The following AFF2 variants were observed in gnomAD, a reference collection of about 807,000 sequenced individuals.
AFF2 encodes the protein AF4/FMR2 family member 2.
Under a neutral mutation model 76.9 loss-of-function variants are expected in AFF2, and 14 were observed. That is an observed-to-expected ratio of 0.18 (90% CI 0.12 to 0.28). AFF2 has a LOEUF of 0.28. AFF2 is among the 10% of genes least tolerant of loss of function. AFF2 has a pLI of 1.00. For missense variants in AFF2, 868 were observed against 1,001.1 expected (o/e 0.87, Z 1.79); for synonymous variants, 398 against 366.7 (o/e 1.09, Z -0.98).
At chrX:148,805,440 C>G (rs2124636637) in intron 3 of AFF2, among the ~76,000 whole-genome samples, 1 of 111,012 alleles carries the variant, frequency 9.0e-6, no homozygotes, top group South Asian at 3.9e-4. Flanking sequence ...TCTGGATTAA[C>G]CATGTGTTGA....
At chrX:148,971,747 C>CTTTTTTTTTTTTTTTTTTTTTATTT (rs2072257860) in intron 15 of AFF2, among the ~76,000 whole-genome samples, 1 of 44,730 alleles carries the variant, frequency 2.2e-5, no homozygotes, top group Non-Finnish European at 3.8e-5. Flanking sequence ...TTTTCTATTT[C>CTTTTTTTTTTTTTTTTTTTTTATTT]TTTTTTTTTT....
intron 3 of AFF2, among the ~76,000 whole-genome samples, chrX:148,703,403 G>T (rs1293002223): frequency 1.8e-5 from 2 of 111,975 alleles, no homozygotes; most frequent in African/African-American, 6.5e-5. Context: ...CATGCCAAAT[G>T]ATTCTTTTAA....
chrX:148,767,012 A>G (rs2069527803), intron 3 of AFF2, among the ~76,000 whole-genome samples: 1 of 111,096 alleles, frequency 9.0e-6, no homozygotes, highest in South Asian at 3.9e-4. Flanking sequence ...GGCAAAGGAG[A>G]AAGTCATTTC....
Position 148,879,665 on chromosome X carries a change from G to A in AFF2, c.1263-6224G>A, listed in dbSNP as rs782444257. On this transcript the variant is annotated intron_variant, in intron 7 of 20. Transcript: ENST00000370460. Reference sequence around the variant, plus strand: ...TGGATGATATATAATGAATGGGAGTGGCTGTAGTCCAATAACACTTTATTT... The same window carrying A: ...TGGATGATATATAATGAATGGGAGTAGCTGTAGTCCAATAACACTTTATTT... 1.8e-3 allele frequency among the ~76,000 whole-genome samples: 200 copies of A among 111,379 alleles called. 1 individual carries two copies. Among genetic ancestry groups the A allele is most frequent in the Non-Finnish European group, 1.9e-3 (103 of 53,060 alleles).
chrX:148,906,826 G>A (rs782792265), intron 9 of AFF2, among the ~76,000 whole-genome samples: 4 of 111,742 alleles, frequency 3.6e-5, no homozygotes, highest in South Asian at 3.8e-4. Flanking sequence ...CCACCCCTCC[G>A]GATCCGGCAG....
At chrX:148,682,821 T>C (rs1031693745) in intron 3 of AFF2, among the ~76,000 whole-genome samples, 1 of 112,427 alleles carries the variant, frequency 8.9e-6, no homozygotes, top group African/African-American at 3.2e-5. Flanking sequence ...TATTTGGATG[T>C]GTTTTTTTTC....
chrX:148,989,410 AGT>A (rs782720300), intron 20 of AFF2, among the ~76,000 whole-genome samples: 2 of 112,439 alleles, frequency 1.8e-5, no homozygotes, highest in Non-Finnish European at 3.7e-5. Flanking sequence ...TCATTAGCAC[AGT>A]GTGTCAAAGA....
In AFF2 at chrX:148,634,617, A is replaced by G. The variant is rs1439192938; in HGVS notation, c.48-17382A>G. On this transcript the variant is annotated intron_variant, in intron 1 of 20. Transcript: ENST00000370460. ...CTGTTCCCTCTTCTCTCCCTCTCTC[A>G]AACATCTAGTGTCTCTTCTCATAGA... Among the ~76,000 whole-genome samples, 3 of 112,004 alleles carry G rather than the reference A, an allele frequency of 2.7e-5. No individual in the cohort carries two copies. In the East Asian group the frequency reaches 8.5e-4, roughly 32 times the overall value.
chrX:148,852,832 G>A (rs1415190316), intron 7 of AFF2, among the ~76,000 whole-genome samples: 7 of 112,181 alleles, frequency 6.2e-5, no homozygotes, highest in Non-Finnish European at 1.3e-4. Flanking sequence ...TGGCTGCACA[G>A]CCAATGCTGG....
chrX:148,744,235 C>A (rs1252733704), intron 3 of AFF2, among the ~76,000 whole-genome samples: 1 of 111,388 alleles, frequency 9.0e-6, no homozygotes, highest in African/African-American at 3.3e-5. Context: ...GGTTAAGTAG[C>A]AATCTGCCTT....
At position 148,767,596 on chromosome X, in the gene AFF2, G is replaced by C. The variant is rs373343563; in HGVS notation, c.1042-42280G>C. Among the ~76,000 whole-genome samples, 6 of 111,975 alleles carry C rather than the reference G, an allele frequency of 5.4e-5. No individual in the cohort carries two copies. In the East Asian group the frequency reaches 1.7e-3, roughly 32 times the overall value. On this transcript the variant is annotated intron_variant, in intron 3 of 20. Transcript: ENST00000370460. Reference sequence around the variant, plus strand: ...AAGACAGAAAGGCATCCTAAACCCTGTGATTTCATAATATCCTTGTAACCA... The same window carrying C: ...AAGACAGAAAGGCATCCTAAACCCTCTGATTTCATAATATCCTTGTAACCA...
chrX:148,778,287 C>T (rs1382292147), intron 3 of AFF2, among the ~76,000 whole-genome samples: 3 of 111,230 alleles, frequency 2.7e-5, no homozygotes, highest in South Asian at 3.8e-4. Context: ...CATCGATGTT[C>T]GTGAGGGATA....
intron 3 of AFF2, among the ~76,000 whole-genome samples, chrX:148,684,779 A>G (rs1193322167): frequency 6.2e-5 from 7 of 112,574 alleles, no homozygotes; most frequent in African/African-American, 2.3e-4. Context: ...TTGGTGAAAT[A>G]GAAATCAGGT....
At chrX:148,659,584 A>G (rs1318817155) in intron 2 of AFF2, among the ~76,000 whole-genome samples, 1 of 112,771 alleles carries the variant, frequency 8.9e-6, no homozygotes, top group Non-Finnish European at 1.9e-5. Flanking sequence ...GAATATGGCC[A>G]GATATCACTG....
At chrX:148,784,572 G>C (rs888528595) in intron 3 of AFF2, among the ~76,000 whole-genome samples, 4 of 111,667 alleles carry the variant, frequency 3.6e-5, no homozygotes, top group Non-Finnish European at 3.8e-5. Context: ...TAATGCTACG[G>C]TGCATTAAGG....
intron 1 of AFF2, among the ~76,000 whole-genome samples, chrX:148,583,453 C>T (rs1167742740): frequency 1.8e-5 from 2 of 110,767 alleles, no homozygotes; most frequent in Non-Finnish European, 1.9e-5. Context: ...TCCATATGCA[C>T]CCTGCCCCCA....
intron 3 of AFF2, among the ~76,000 whole-genome samples, chrX:148,721,775 C>A (rs966390445): frequency 3.6e-5 from 4 of 112,147 alleles, no homozygotes; most frequent in African/African-American, 1.3e-4. Flanking sequence ...GGCCATGGTC[C>A]ATTTGAAGCC....
chrX:148,704,644 A>C (rs2054859739), intron 3 of AFF2, among the ~76,000 whole-genome samples: 1 of 105,903 alleles, frequency 9.4e-6, no homozygotes, highest in South Asian at 4.1e-4. Context: ...CTCCTGCTTC[A>C]GCCTCCCGAG....
chrX:148,530,163 C>T (rs1425632803), intron 1 of AFF2, among the ~76,000 whole-genome samples: 2 of 111,443 alleles, frequency 1.8e-5, no homozygotes, highest in African/African-American at 6.5e-5. Flanking sequence ...GTCAATTATC[C>T]AGGATGGTGT....
Sources: allele counts gnomAD v4.1 joint callset (sites outside exome capture counted in the v4.1 genomes callset), GRCh38; gene constraint gnomAD v4.1.1; transcripts MANE v1.5; gene names NCBI Gene and HGNC (gene_info 2026-07-23, HGNC 2026-07-21).